PRKG1: variants seen among roughly 807,000 people sequenced by gnomAD.
The protein encoded by PRKG1 is protein kinase cGMP-dependent 1, also known as cGMP-dependent protein kinase 1.
Under a neutral mutation model 88.1 loss-of-function variants are expected in PRKG1, and 35 were observed. That is an observed-to-expected ratio of 0.40 (90% CI 0.30 to 0.53). The LOEUF (loss-of-function observed/expected upper bound fraction) is 0.53. Ranked by LOEUF, PRKG1 falls within the 20% of genes least tolerant of loss-of-function variation. The pLI is 0.59. For missense variants in PRKG1, 540 were observed against 839.8 expected (o/e 0.64, Z 4.41); for synonymous variants, 303 against 292.5 (o/e 1.04, Z -0.37).
chr10:51,712,975 G>GTTT (rs10593003), intron 3 of PRKG1, among the ~76,000 whole-genome samples: 636 of 149,540 alleles, frequency 4.3e-3, no homozygotes, highest in African/African-American at 0.015. Flanking sequence ...CTCTATGAGG[G>GTTT]TTTTTTTTTT....
At chr10:51,226,364 A>G (rs190691954) in intron 2 of PRKG1, among the ~76,000 whole-genome samples, 40 of 152,322 alleles carry the variant, frequency 2.6e-4, no homozygotes, top group South Asian at 6.2e-4. Flanking sequence ...TGTTGTTTGC[A>G]TGAGTTAATT....
intron 9 of PRKG1, among the ~76,000 whole-genome samples, chr10:52,188,216 ATATATATACATATG>A (rs1564508845): frequency 8.3e-5 from 4 of 48,174 alleles, no homozygotes; most frequent in Non-Finnish European, 1.6e-4. Flanking sequence ...ATATATGTGT[ATATATATACATATG>A]TATATATATA....
intron 2 of PRKG1, among the ~76,000 whole-genome samples, chr10:51,452,075 A>C (rs1021324076): frequency 1.3e-5 from 2 of 151,938 alleles, no homozygotes. Flanking sequence ...CACATGCCAT[A>C]CAATTTACCC....
intron 5 of PRKG1, among the ~76,000 whole-genome samples, chr10:52,038,044 T>A (rs752287596): frequency 6.6e-6 from 1 of 152,142 alleles, no homozygotes; most frequent in Non-Finnish European, 1.5e-5. Context: ...ATTACTTAGA[T>A]CTTGCAGGAT....
At chr10:52,253,531 A>T (rs1841233454) in intron 10 of PRKG1, 1 of 131,970 alleles carries the variant, frequency 7.6e-6, no homozygotes, top group Non-Finnish European at 1.7e-5. Context: ...TTAGTTTAAA[A>T]ACAAAAATTT....
chr10:51,161,362 T>A (rs1241586862), intron 2 of PRKG1, among the ~76,000 whole-genome samples: 1 of 152,154 alleles, frequency 6.6e-6, no homozygotes, highest in Non-Finnish European at 1.5e-5. Flanking sequence ...AAGTGACATA[T>A]TTTGAAGGGT....
At chr10:51,913,749 C>T (rs949997861) in intron 5 of PRKG1, among the ~76,000 whole-genome samples, 1 of 152,082 alleles carries the variant, frequency 6.6e-6, no homozygotes, top group Non-Finnish European at 1.5e-5. Flanking sequence ...CTACTTATCC[C>T]ATATTTGACT....
At position 51,745,826 on chromosome 10, in the gene PRKG1, G is replaced by A. The variant is rs568654960; in HGVS notation, c.593-58759G>A. 2.6e-4 allele frequency among the ~76,000 whole-genome samples: 40 copies of A among 152,092 alleles called. No individual in the cohort carries two copies. The South Asian group carries it at 7.1e-3, about 27-fold the overall frequency. On this transcript the variant is annotated intron_variant, in intron 3 of 17. Transcript: ENST00000373980. ...GAGTTTGAGACCAGCCTGGCCAACA[G>A]GGTGAAACCCTGTCTCTACTAAAAA...
intron 1 of PRKG1, among the ~76,000 whole-genome samples, chr10:51,017,347 G>A: frequency 6.6e-6 from 1 of 152,024 alleles, no homozygotes; most frequent in Admixed American, 6.5e-5. Flanking sequence ...CAAACAACTT[G>A]AGAAGTATCA....
intron 4 of PRKG1, among the ~76,000 whole-genome samples, chr10:51,822,222 C>A (rs547460979): frequency 1.3e-5 from 2 of 151,678 alleles, no homozygotes; most frequent in African/African-American, 2.4e-5. Flanking sequence ...TATACACACA[C>A]AATGAAATAT....
intron 2 of PRKG1, among the ~76,000 whole-genome samples, chr10:51,243,809 G>A (rs749757462): frequency 7.9e-5 from 12 of 152,160 alleles, no homozygotes; most frequent in Admixed American, 3.3e-4. Flanking sequence ...TCCTAGAGAA[G>A]CAGGGCTGGA....
chr10:51,894,409 A>T (rs1464029772), intron 4 of PRKG1, among the ~76,000 whole-genome samples: 1 of 152,216 alleles, frequency 6.6e-6, no homozygotes, highest in Non-Finnish European at 1.5e-5. Flanking sequence ...GGGGCTAGTT[A>T]TTCTTTAACA....
chr10:51,212,101 C>G (rs1239636938), intron 2 of PRKG1, among the ~76,000 whole-genome samples: 1 of 152,158 alleles, frequency 6.6e-6, no homozygotes, highest in African/African-American at 2.4e-5. Flanking sequence ...CAGCATGATA[C>G]TGGTACCAAA....
rs1158827765 is a variant in PRKG1 at position 51,530,285 on chromosome 10, G to T, written c.592+62449G>T. On this transcript the variant is annotated intron_variant, in intron 3 of 17. Coordinates refer to ENST00000373980, the MANE Select transcript of PRKG1 (RefSeq NM_006258.4). ...TTTTCCTGGTATCTAAACAATGTTA[G>T]CATTTTGTAAGCATGTTGTTGATTT... Among the ~76,000 whole-genome samples the T allele has an allele frequency of 2.6e-5, 4 of 152,156 alleles. No homozygotes were observed. In the South Asian group the frequency reaches 8.3e-4, roughly 32 times the overall value.
intron 9 of PRKG1, among the ~76,000 whole-genome samples, chr10:52,237,904 A>G (rs1840732551): frequency 7.1e-6 from 1 of 141,090 alleles, no homozygotes; most frequent in African/African-American, 2.7e-5. Context: ...GCATCACACT[A>G]CCTGACTTCA....
Position 50,991,593 on chromosome 10 carries a change from G to A in PRKG1, c.215G>A (p.Arg72Lys), listed in dbSNP as rs547853614. ...ATCTCGGCCGAGCCGCAGACGTACAGGTCCTTCCACGACCTCCGACAGGCA... is the reference window on the plus strand; with the variant it reads ...ATCTCGGCCGAGCCGCAGACGTACAAGTCCTTCCACGACCTCCGACAGGCA... Residue 72 changes from arginine (R) to lysine (K), a missense_variant, in exon 1 of 18, where the codon AGG becomes AAG. Physicochemically the swap from Arg to Lys is conservative, Grantham distance 26. Transcript: ENST00000401604. The surrounding 1 kb of genome is among the most constrained non-coding windows in gnomAD (Gnocchi z 4.5). 8 of 1,590,514 alleles carry A rather than the reference G, an allele frequency of 5.0e-6. No individual in the cohort carries two copies. The African/African-American group carries it at 1.1e-4, about 22-fold the overall frequency.
At chr10:51,569,312 C>T (rs547600176) in intron 3 of PRKG1, among the ~76,000 whole-genome samples, 2 of 152,042 alleles carry the variant, frequency 1.3e-5, no homozygotes, top group African/African-American at 4.8e-5. Flanking sequence ...ACTAGGACAG[C>T]TTCTTAAATA....
chr10:51,269,494 G>T (rs1839922006), intron 2 of PRKG1, among the ~76,000 whole-genome samples: 1 of 152,118 alleles, frequency 6.6e-6, no homozygotes, highest in African/African-American at 2.4e-5. Flanking sequence ...AATGGATAAA[G>T]AAAATATATT....
At chr10:52,124,250 T>C (rs1188016183) in intron 7 of PRKG1, among the ~76,000 whole-genome samples, 1 of 152,188 alleles carries the variant, frequency 6.6e-6, no homozygotes, top group Non-Finnish European at 1.5e-5. Flanking sequence ...GCTAGCATCG[T>C]AGAGTCTACT....
Sources: allele counts gnomAD v4.1 joint callset (sites outside exome capture counted in the v4.1 genomes callset), GRCh38; gene constraint gnomAD v4.1.1; non-coding constraint Gnocchi (gnomAD v3.1); transcripts MANE v1.5; gene names NCBI Gene and HGNC (gene_info 2026-07-23, HGNC 2026-07-21).